The following BLM variants were observed in gnomAD, a reference collection of about 807,000 sequenced individuals.
BLM encodes recQ-like DNA helicase BLM.
BLM carries 95 observed loss-of-function variants against 135.3 expected under a neutral mutation model. The observed-to-expected ratio is 0.70, with a 90% CI of 0.59 to 0.83. The LOEUF is 0.83. BLM is among the 40% of genes least tolerant of loss of function. BLM has a pLI of 0.00. For missense variants in BLM, 1,518 were observed against 1,663.9 expected, an observed-to-expected ratio of 0.91 and a Z score of 1.53; for synonymous variants, 520 against 589.2, an observed-to-expected ratio of 0.88 and a Z score of 1.70.
intron 1 of BLM, among the ~76,000 whole-genome samples, chr15:90,724,623 C>T (rs770696599): frequency 2.6e-5 from 4 of 152,174 alleles, no homozygotes; most frequent in Non-Finnish European, 4.4e-5. Flanking sequence ...CATTCAGTCA[C>T]AGAACAGTTT....
At position 90,790,527 on chromosome 15, in the gene BLM, G is replaced by T. The variant is rs553485398; in HGVS notation, c.2824-122G>T. 9.9e-5 allele frequency: 89 copies of T among 900,632 alleles called. No homozygotes were observed. In the Admixed American group the frequency reaches 1.7e-3, roughly 17 times the overall value. 55.8% of individuals were successfully genotyped at this position (900,632 alleles called of 1,614,324 possible). A position where few individuals can be genotyped will look rare whatever the true frequency, so the allele number is the denominator to read the frequency against. ...TAGTTGGACCAAGTTAAGATATTAGGTTGTTATGTAGTGTGCATTTTAAAG... is the reference window on the plus strand; with the variant it reads ...TAGTTGGACCAAGTTAAGATATTAGTTTGTTATGTAGTGTGCATTTTAAAG... On this transcript the variant is annotated intron_variant, in intron 14 of 21. Coordinates refer to ENST00000355112, the MANE Select transcript of BLM (RefSeq NM_000057.4).
intron 8 of BLM, among the ~76,000 whole-genome samples, chr15:90,764,002 A>T (rs995029212): frequency 1.2e-4 from 18 of 152,250 alleles, no homozygotes; most frequent in African/African-American, 4.3e-4. Context: ...TTAGATTTAG[A>T]TAGCCTTGGC....
At chr15:90,762,894 A>G in intron 7 of BLM, 72 bp from the exon 8 acceptor site, 2 of 1,389,124 alleles carry the variant, frequency 1.4e-6, no homozygotes, top group Non-Finnish European at 2.0e-6. Context: ...TCTGCAGGGC[A>G]AGGGAAATGC....
At chr15:90,812,379 T>C (rs1897444623) in intron 21 of BLM, among the ~76,000 whole-genome samples, 1 of 152,208 alleles carries the variant, frequency 6.6e-6, no homozygotes, top group Admixed American at 6.6e-5. Flanking sequence ...GTCTGGGACA[T>C]GTCTGTTCTG....
At chr15:90,801,817 A>C (rs954994532) in intron 17 of BLM, among the ~76,000 whole-genome samples, 1 of 152,176 alleles carries the variant, frequency 6.6e-6, no homozygotes, top group Non-Finnish European at 1.5e-5. Flanking sequence ...GCACTTTGGG[A>C]GGCCAAGACA....
intron 12 of BLM, among the ~76,000 whole-genome samples, chr15:90,774,284 C>T (rs1486426991): frequency 1.3e-5 from 2 of 151,058 alleles, no homozygotes; most frequent in East Asian, 4.0e-4. Flanking sequence ...GTTGGCCAGG[C>T]TGTTCTCAAA....
At chr15:90,785,118 T>C (rs1219643975) in intron 14 of BLM, 37 bp downstream of exon 14, 2 of 1,588,548 alleles carry the variant, frequency 1.3e-6, no homozygotes, top group Non-Finnish European at 1.7e-6. Context: ...ATAGAAATAA[T>C]CTTTTATAGC....
chr15:90,802,163 A>G (rs1897180574), intron 17 of BLM, among the ~76,000 whole-genome samples: 1 of 152,188 alleles, frequency 6.6e-6, no homozygotes, highest in Non-Finnish European at 1.5e-5. Context: ...CTGTTTCTAT[A>G]ATGTGGCCTT....
At chr15:90,780,112 G>T (rs1024476816) in intron 12 of BLM, among the ~76,000 whole-genome samples, 1 of 147,688 alleles carries the variant, frequency 6.8e-6, no homozygotes. Flanking sequence ...TTTAGACAGA[G>T]TCTCACTCTT....
chr15:90,780,025 AG>A (rs1318335444), intron 12 of BLM, among the ~76,000 whole-genome samples: 4 of 152,020 alleles, frequency 2.6e-5, no homozygotes, highest in African/African-American at 9.7e-5. Context: ...GTTTGTTTTC[AG>A]GAAGTGAGGC....
rs544221981 is a variant in BLM, at chr15:90,815,694, T to C, written c.*415T>C. The C allele has an allele frequency of 8.4e-6, 2 of 237,950 alleles. No homozygotes were observed. The highest frequency in any genetic ancestry group is 4.7e-5 in the African/African-American group (2 of 42,730). The allele number at this position is 237,950 out of a possible 1,614,324, so 14.7% of individuals were successfully genotyped here. A position where few individuals can be genotyped will look rare whatever the true frequency, so the allele number is the denominator to read the frequency against. On this transcript the variant is annotated 3_prime_UTR_variant, in exon 22 of 22. Coordinates refer to ENST00000355112, the MANE Select transcript of BLM (RefSeq NM_000057.4). This position sits in a 1 kb window ranked among gnomAD's most constrained non-coding sequence, Gnocchi z 4.6. ...GAAAATATATTACAAAGGATTAGTA[T>C]CCATCATACCAAATACCCGTGAACC...
chr15:90,723,545 C>G (rs959239206), intron 1 of BLM, among the ~76,000 whole-genome samples: 4 of 151,898 alleles, frequency 2.6e-5, no homozygotes, highest in African/African-American at 9.7e-5. Context: ...TCCAGATTCT[C>G]CAGAGGCTGA....
At chr15:90,761,276 A>G (rs760783942) in intron 7 of BLM, 21 bp downstream of exon 7, 3 of 1,452,314 alleles carry the variant, frequency 2.1e-6, no homozygotes, top group East Asian at 2.4e-5. Flanking sequence ...AATAAATTGA[A>G]TGCTTATATG....
intron 5 of BLM, among the ~76,000 whole-genome samples, chr15:90,757,242 AATG>A (rs994468257): frequency 7.6e-6 from 1 of 131,042 alleles, no homozygotes; most frequent in African/African-American, 3.4e-5. Flanking sequence ...AAATTAGAAC[AATG>A]TTTGTCTGTC....
In BLM at chr15:90,769,077, A is replaced by C; in HGVS notation, c.2308-56A>C. The C allele has an allele frequency of 2.9e-6, 4 of 1,360,404 alleles. No homozygotes were observed. The South Asian group carries it at 4.7e-5, about 16-fold the overall frequency. 84.3% of individuals were successfully genotyped at this position (1,360,404 alleles called of 1,614,324 possible). On this transcript the variant is annotated intron_variant, in intron 10 of 21. Transcript: ENST00000355112. ...TTGTGATGGAATTTGAAGACCACAG[A>C]ATCATGAGGTGATGTGTTTCAGTGT...
chr15:90,762,313 T>C (rs1823679005), intron 7 of BLM: 1 of 152,590 alleles, frequency 6.6e-6, no homozygotes, highest in Non-Finnish European at 1.5e-5. Context: ...CAGACACTGA[T>C]GACTGGGAAA....
At chr15:90,793,280 T>C (rs980249400) in intron 15 of BLM, among the ~76,000 whole-genome samples, 6 of 151,844 alleles carry the variant, frequency 4.0e-5, no homozygotes, top group African/African-American at 1.2e-4. Flanking sequence ...GATTACAGGC[T>C]CGCACCACCA....
chr15:90,747,740 T>C (rs996975391), intron 2 of BLM: 1 of 420,910 alleles, frequency 2.4e-6, no homozygotes, highest in Non-Finnish European at 4.3e-6. Flanking sequence ...AAATGAATAA[T>C]TGATCTTGTA....
At chr15:90,748,521 A>G (rs556982161) in intron 2 of BLM, among the ~76,000 whole-genome samples, 2 of 152,308 alleles carry the variant, frequency 1.3e-5, no homozygotes, top group Non-Finnish European at 2.9e-5. Context: ...AATGATATCT[A>G]ATAATAATTT....
Sources: gnomAD v4.1 joint callset for allele counts (sites outside exome capture counted in the v4.1 genomes callset) on GRCh38, gnomAD v4.1.1 for gene constraint, Gnocchi (gnomAD v3.1) non-coding constraint, MANE v1.5 for transcripts, NCBI Gene and HGNC (gene_info 2026-07-23, HGNC 2026-07-21) for gene names.